The following CPE variants were observed in gnomAD, a reference collection of about 807,000 sequenced individuals.
CPE encodes carboxypeptidase E, also known as carbocypeptidase E.
A neutral mutation model predicts 53.5 loss-of-function variants in CPE; 17 were observed. That is an observed-to-expected ratio of 0.32 (90% CI 0.22 to 0.48). The LOEUF is 0.48. Among genes scored for constraint, CPE ranks in the 20% least tolerant of loss-of-function variants. The pLI, the probability that CPE is intolerant of heterozygous loss-of-function variation, is 0.99. For synonymous variants in CPE, 226 were observed against 228.8 expected (o/e 0.99, Z 0.11); for missense variants, 524 against 614.7 (o/e 0.85, Z 1.56).
At chr4:165,384,056 C>T (rs988179078) in intron 1 of CPE, among the ~76,000 whole-genome samples, 4 of 152,164 alleles carry the variant, frequency 2.6e-5, no homozygotes, top group Non-Finnish European at 2.9e-5. Context: ...AGGTGGCAGA[C>T]GACTCATTTG....
intron 1 of CPE, among the ~76,000 whole-genome samples, chr4:165,424,062 T>C (rs1400604441): frequency 7.3e-6 from 1 of 136,740 alleles, no homozygotes; most frequent in Admixed American, 7.2e-5. Context: ...TCTTCTGTAA[T>C]TGTGTTTGAT....
At chr4:165,413,264 C>G (rs190795431) in intron 1 of CPE, among the ~76,000 whole-genome samples, 1 of 152,130 alleles carries the variant, frequency 6.6e-6, no homozygotes, top group Non-Finnish European at 1.5e-5. Flanking sequence ...GCATGTCCAA[C>G]GCCACTTTTC....
intron 7 of CPE, among the ~76,000 whole-genome samples, chr4:165,494,028 A>C (rs1412374704): frequency 6.6e-6 from 1 of 152,214 alleles, no homozygotes; most frequent in Non-Finnish European, 1.5e-5. Context: ...CTTATGTCCC[A>C]AACCACTCTG....
chr4:165,395,618 AAT>A (rs1476098712), intron 1 of CPE, among the ~76,000 whole-genome samples: 1 of 152,198 alleles, frequency 6.6e-6, no homozygotes, highest in Non-Finnish European at 1.5e-5. Context: ...CCTTCTGTTA[AAT>A]ATGTGTTCAG....
chr4:165,397,782 T>C (rs1010355624), intron 1 of CPE, among the ~76,000 whole-genome samples: 5 of 152,074 alleles, frequency 3.3e-5, no homozygotes, highest in African/African-American at 1.2e-4. Context: ...GGCTCATGCT[T>C]GAAATTTCAG....
Position 165,438,806 on chromosome 4 carries a change from T to G in CPE, c.308-25584T>G, listed in dbSNP as rs977170013. Among the ~76,000 whole-genome samples, 5 of 152,178 alleles carry G rather than the reference T, an allele frequency of 3.3e-5. No homozygotes were observed. The East Asian group carries it at 5.8e-4, about 18-fold the overall frequency. On this transcript the variant is annotated intron_variant, in intron 1 of 8. Coordinates refer to ENST00000402744, the MANE Select transcript of CPE (RefSeq NM_001873.4). ...TACTTTATATGGACTGATTTTGGAT[T>G]TCTTGGCACTCATGGACTGTAGAGT... is the stretch of plus-strand genomic sequence containing the variant.
At chr4:165,461,201 G>GAAAAAAAAAAAAAAA (rs1731997868) in intron 1 of CPE, among the ~76,000 whole-genome samples, 1 of 75,178 alleles carries the variant, frequency 1.3e-5, no homozygotes, top group African/African-American at 5.7e-5. Context: ...AGAAAGAAAA[G>GAAAAAAAAAAAAAAA]AAAAGAAAAA....
chr4:165,443,549 C>T (rs563341505), intron 1 of CPE, among the ~76,000 whole-genome samples: 58 of 152,272 alleles, frequency 3.8e-4, no homozygotes, highest in South Asian at 3.1e-3. Flanking sequence ...TTGCAGATGG[C>T]CGCCTCCTCA....
At chr4:165,442,036 G>GTTTTTTTGT (rs1731622704) in intron 1 of CPE, among the ~76,000 whole-genome samples, 3 of 61,332 alleles carry the variant, frequency 4.9e-5, no homozygotes, top group African/African-American at 2.4e-4. Flanking sequence ...TTTTTTTTTT[G>GTTTTTTTGT]TTTTTTTTTT....
intron 1 of CPE, among the ~76,000 whole-genome samples, chr4:165,450,245 A>C (rs1731785456): frequency 6.6e-6 from 1 of 152,188 alleles, no homozygotes; most frequent in Non-Finnish European, 1.5e-5. Flanking sequence ...AAAAACTGTT[A>C]CAAAATCAGA....
At chr4:165,440,576 T>C (rs1031493937) in intron 1 of CPE, among the ~76,000 whole-genome samples, 10 of 151,978 alleles carry the variant, frequency 6.6e-5, no homozygotes, top group African/African-American at 2.2e-4. Context: ...AGCAAACTTC[T>C]ATAATAATTT....
rs536339077 is a variant in CPE, at chr4:165,429,133, G to A, written c.308-35257G>A. On this transcript the variant is annotated intron_variant, in intron 1 of 8. Coordinates refer to ENST00000402744, the MANE Select transcript of CPE (RefSeq NM_001873.4). The stretch of plus-strand genomic sequence containing the variant: ...ATCATTTGATTTTTTTCATAACTCT[G>A]TTGGTCAGCAATTTGGGTTGGGCTC... 2.3e-3 allele frequency among the ~76,000 whole-genome samples: 346 copies of A among 152,186 alleles called. 2 individuals carry two copies. Among genetic ancestry groups the A allele is most frequent in the African/African-American group, 8.1e-3 (335 of 41,538 alleles).
At chr4:165,381,293 A>G (rs1383411581) in intron 1 of CPE, 2 of 456,290 alleles carry the variant, frequency 4.4e-6, no homozygotes, top group South Asian at 3.1e-5. Context: ...TGCAAGCTGT[A>G]TGAAGTGGGG....
intron 1 of CPE, among the ~76,000 whole-genome samples, chr4:165,445,869 T>G (rs1400968417): frequency 2.0e-5 from 3 of 151,998 alleles, no homozygotes; most frequent in Admixed American, 2.0e-4. Context: ...TAATACATGG[T>G]TCTAAGATTC....
intron 1 of CPE, among the ~76,000 whole-genome samples, chr4:165,391,867 TC>T (rs909735939): frequency 6.6e-6 from 1 of 152,048 alleles, no homozygotes; most frequent in African/African-American, 2.4e-5. Context: ...TGGAGGGCTT[TC>T]AGAAGGAGGT....
intron 1 of CPE, among the ~76,000 whole-genome samples, chr4:165,420,343 T>C (rs1479056718): frequency 6.6e-6 from 1 of 152,182 alleles, no homozygotes; most frequent in Non-Finnish European, 1.5e-5. Flanking sequence ...CTTCTCATTG[T>C]AGTCATTCCT....
In CPE at chr4:165,486,730, C is replaced by T. The variant is rs28507056; in HGVS notation, c.974-708C>T. Among the ~76,000 whole-genome samples the T allele has an allele frequency of 8.1e-3, 1,233 of 152,254 alleles. 20 individuals are homozygous for T. Among genetic ancestry groups the T allele is most frequent in the African/African-American group, 0.028 (1,183 of 41,560 alleles). On this transcript the variant is annotated intron_variant, in intron 5 of 8. Coordinates refer to ENST00000402744, the MANE Select transcript of CPE (RefSeq NM_001873.4). Reference sequence around the variant, plus strand: ...TTGCCCCCCTACCCCATTTTGTCTGCGTTATCTTATGTAAAATGCACATTC... The same window carrying T: ...TTGCCCCCCTACCCCATTTTGTCTGTGTTATCTTATGTAAAATGCACATTC...
rs892830291 is a variant in CPE at position 165,379,709 on chromosome 4, G to C, written c.307+181G>C. On this transcript the variant is annotated intron_variant, in intron 1 of 8. Coordinates refer to ENST00000402744, the MANE Select transcript of CPE (RefSeq NM_001873.4). The surrounding 1 kb of genome is among the most constrained non-coding windows in gnomAD (Gnocchi z 6.0). ...TGGAAATGGGGAAGAACCCGACTTA[G>C]AGCGCCAGTGGCCCAATTTCTGCTT... 3.3e-5 allele frequency among the ~76,000 whole-genome samples: 5 copies of C among 152,138 alleles called. No homozygotes were observed. The highest frequency in any genetic ancestry group is 4.8e-5 in the African/African-American group (2 of 41,432).
At chr4:165,424,786 G>A (rs1037293750) in intron 1 of CPE, among the ~76,000 whole-genome samples, 2 of 151,694 alleles carry the variant, frequency 1.3e-5, no homozygotes, top group Non-Finnish European at 2.9e-5. Context: ...CACCTGCCTC[G>A]GCCTCCCAAA....
Sources: gnomAD v4.1 joint callset for allele counts (sites outside exome capture counted in the v4.1 genomes callset) on GRCh38, gnomAD v4.1.1 for gene constraint, Gnocchi (gnomAD v3.1) non-coding constraint, MANE v1.5 for transcripts, NCBI Gene and HGNC (gene_info 2026-07-23, HGNC 2026-07-21) for gene names.